SP2: variants seen among roughly 807,000 people sequenced by gnomAD.
The protein encoded by SP2 is Sp2 transcription factor, also known as transcription factor Sp2.
In SP2, 9 loss-of-function variants were observed where a neutral mutation model predicts 50.1. That is an observed-to-expected ratio of 0.18 (90% CI 0.11 to 0.31). The LOEUF (loss-of-function observed/expected upper bound fraction) is 0.31. SP2 is among the 10% of genes least tolerant of loss of function. The probability of loss-of-function intolerance (pLI) is 1.00; values close to 1 mark genes in which losing one functional copy is unlikely to be tolerated. For missense variants in SP2, 581 were observed against 806.5 expected (o/e 0.72, Z 3.39); for synonymous variants, 313 against 326.6 (o/e 0.96, Z 0.45).
intron 6 of SP2, among the ~76,000 whole-genome samples, 175 bp downstream of exon 6, chr17:47,925,716 C>CA (rs1215483349): frequency 1.3e-5 from 2 of 152,188 alleles, no homozygotes; most frequent in Non-Finnish European, 2.9e-5. Context: ...ATTCTGTTAT[C>CA]ACTGTTGTTT....
At chr17:47,909,674 G>T (rs781712921) in intron 1 of SP2, 2 of 981,856 alleles carry the variant, frequency 2.0e-6, no homozygotes, top group Non-Finnish European at 2.4e-6. Context: ...AGGGCACTAG[G>T]AGGAGGCTAA....
At chr17:47,902,994 G>A (rs2034604100) in intron 1 of SP2, among the ~76,000 whole-genome samples, 1 of 152,222 alleles carries the variant, frequency 6.6e-6, no homozygotes, top group African/African-American at 2.4e-5. Context: ...GACCTCAGGT[G>A]ATCCACCTGC....
chr17:47,926,067 C>T (rs2035636888), intron 6 of SP2, among the ~76,000 whole-genome samples: 1 of 151,952 alleles, frequency 6.6e-6, no homozygotes, highest in South Asian at 2.1e-4. Context: ...CAGGCACCCA[C>T]CACCACACCC....
At chr17:47,923,345 GC>G in intron 4 of SP2, 71 bp downstream of exon 4, 1 of 1,316,988 alleles carries the variant, frequency 7.6e-7, no homozygotes, top group Non-Finnish European at 1.0e-6. Flanking sequence ...CTATGGGCTG[GC>G]CCCGGGATTT....
At chr17:47,927,111 A>G (rs1223112545) in intron 6 of SP2, among the ~76,000 whole-genome samples, 1 of 152,222 alleles carries the variant, frequency 6.6e-6, no homozygotes, top group African/African-American at 2.4e-5. Flanking sequence ...ACAAAAGAAG[A>G]AAGCAGGCAG....
In SP2 at chr17:47,916,872, G is replaced by T. The variant is rs779377393; in HGVS notation, c.801G>T (p.Thr267=). Residue 267 remains threonine (T), a synonymous_variant, in exon 3 of 7, where the codon ACG becomes ACT. Transcript: ENST00000376741. The surrounding 1 kb of genome is among the most constrained non-coding windows in gnomAD (Gnocchi z 4.7). ...PPVAVAEQVE[T]VLIETTADNI... ...TGGCTGTGGCTGAGCAGGTGGAGAC[G>T]GTGCTGATCGAGACCACCGCGGACA... 3 of 1,614,000 alleles carry T rather than the reference G, an allele frequency of 1.9e-6. No homozygotes were observed. Among genetic ancestry groups the T allele is most frequent in the African/African-American group, 2.7e-5 (2 of 74,904 alleles).
chr17:47,927,594 G>C (rs1441258535), intron 6 of SP2, 130 bp from the exon 7 acceptor site: 4 of 594,028 alleles, frequency 6.7e-6, no homozygotes, highest in Non-Finnish European at 1.2e-5. Flanking sequence ...GTGAGAGCAG[G>C]AGGTGGGCAG....
At chr17:47,912,922 C>T (rs1237100955) in intron 1 of SP2, among the ~76,000 whole-genome samples, 2 of 151,530 alleles carry the variant, frequency 1.3e-5, no homozygotes, top group African/African-American at 4.9e-5. Context: ...TGCAGTGGTA[C>T]GATCTCAGCT....
intron 3 of SP2, chr17:47,918,393 G>C (rs2035299188): frequency 6.6e-6 from 1 of 152,128 alleles, no homozygotes; most frequent in Admixed American, 6.6e-5. Context: ...TATGTTGCCA[G>C]GTGATTTTTT....
rs1567704810 is a variant in SP2, at chr17:47,925,904, C to CATTTT, written c.1741+363_1741+364insATTTT. ...TTTATGGGAAGATACTTTGTTTATG[C>CATTTT]CTTTTTTTTTTTTTTTTTTTTTTTT... On this transcript the variant is annotated intron_variant, in intron 6 of 6. Coordinates refer to ENST00000376741, the MANE Select transcript of SP2 (RefSeq NM_003110.6). Among the ~76,000 whole-genome samples the CATTTT allele has an allele frequency of 5.2e-3, 621 of 119,366 alleles. 10 individuals carry two copies. The highest frequency in any genetic ancestry group is 0.018 in the African/African-American group (541 of 30,252). The allele number at this position is 119,366 out of a possible 152,430, so 78.3% of individuals were successfully genotyped here. A position where few individuals can be genotyped will look rare whatever the true frequency, so the allele number is the denominator to read the frequency against.
At chr17:47,931,365 C>A (rs1001484123), downstream of SP2, among the ~76,000 whole-genome samples, 2 of 152,028 alleles carry the variant, frequency 1.3e-5, no homozygotes, top group Non-Finnish European at 2.9e-5. Flanking sequence ...GAAAAAAAAT[C>A]ATCTTTCCAG....
intron 6 of SP2, among the ~76,000 whole-genome samples, chr17:47,926,351 C>G (rs2035652088): frequency 1.3e-5 from 2 of 148,158 alleles, no homozygotes; most frequent in East Asian, 4.0e-4. Context: ...CTCACTCTTT[C>G]ACCCAGGCTA....
chr17:47,923,099 A>G lies in SP2; in HGVS notation c.1197A>G (p.Lys399=). The G allele has an allele frequency of 6.2e-7, 1 of 1,614,210 alleles. No homozygotes were observed. The highest frequency in any genetic ancestry group is 8.5e-7 in the Non-Finnish European group (1 of 1,180,028). Residue 399 remains lysine, a synonymous_variant, in exon 4 of 7, where the codon AAA becomes AAG. Coordinates refer to ENST00000376741, the MANE Select transcript of SP2 (RefSeq NM_003110.6). ...SRAPHLSGTS[K]KHSAAILRKE... is the part of the protein sequence containing the mutation. ...CTCCCCATCTGAGTGGGACCAGCAA[A>G]AAGCACTCAGCTGCAATTCTCCGAA...
Position 47,928,517 on chromosome 17 carries a change from T to A in SP2, c.*693T>A, listed in dbSNP as rs1483076024. The stretch of plus-strand genomic sequence containing the variant: ...CTTCTTCCTTTCCTTGTTATTCACC[T>A]CCCTGATGCCTGCTTTCAGTTGAGG... On this transcript the variant is annotated 3_prime_UTR_variant, in exon 7 of 7. Transcript: ENST00000376741. The A allele has an allele frequency of 6.5e-6, 1 of 152,704 alleles. No individual in the cohort carries two copies. The highest frequency in any genetic ancestry group is 1.5e-5 in the Non-Finnish European group (1 of 68,066). 9.5% of individuals were successfully genotyped at this position (152,704 alleles called of 1,614,324 possible). A position where few individuals can be genotyped will look rare whatever the true frequency, so the allele number is the denominator to read the frequency against.
At chr17:47,909,965 A>G (rs1244707856) in intron 1 of SP2, among the ~76,000 whole-genome samples, 3 of 152,188 alleles carry the variant, frequency 2.0e-5, no homozygotes, top group Admixed American at 6.5e-5. Context: ...CTCCTGCTTC[A>G]GCCTCCCAAG....
chr17:47,907,308 CAG>C (rs766405054), intron 1 of SP2, among the ~76,000 whole-genome samples: 6 of 152,062 alleles, frequency 3.9e-5, no homozygotes, highest in African/African-American at 4.8e-5. Flanking sequence ...TCTAGAAACT[CAG>C]GGGATGCTTT....
At chr17:47,925,165 G>C (rs2035598071) in intron 5 of SP2, 72 bp downstream of exon 5, 2 of 1,518,280 alleles carry the variant, frequency 1.3e-6, no homozygotes, top group Admixed American at 2.1e-5. Flanking sequence ...CAGTTGTCCA[G>C]AGCTGCAAGC....
At chr17:47,900,815 G>A (rs904413288) in intron 1 of SP2, among the ~76,000 whole-genome samples, 1 of 152,166 alleles carries the variant, frequency 6.6e-6, no homozygotes, top group Non-Finnish European at 1.5e-5. Context: ...CAGGATAAAT[G>A]TGGGGAGTGA....
At chr17:47,929,164 T>C (rs1422098946), downstream of SP2, among the ~76,000 whole-genome samples, 12 of 152,168 alleles carry the variant, frequency 7.9e-5, no homozygotes, top group Admixed American at 7.9e-4. Flanking sequence ...CCAGAGCACC[T>C]CCAAGGGCCA....
Sources: gnomAD v4.1 joint callset for allele counts (sites outside exome capture counted in the v4.1 genomes callset) on GRCh38, gnomAD v4.1.1 for gene constraint, Gnocchi (gnomAD v3.1) non-coding constraint, MANE v1.5 for transcripts, NCBI Gene and HGNC (gene_info 2026-07-23, HGNC 2026-07-21) for gene names.